Variants in JPH1 observed in about 807,000 individuals in gnomAD.
JPH1 encodes the protein junctophilin-1.
In JPH1, 12 loss-of-function variants were observed where a neutral mutation model predicts 53.6. The ratio of observed to expected loss-of-function variants is 0.22; its 90% CI spans 0.14 to 0.36. JPH1 has a LOEUF of 0.36. JPH1 is among the 10% of genes least tolerant of loss of function. The probability of loss-of-function intolerance (pLI) is 1.00; values close to 1 mark genes in which losing one functional copy is unlikely to be tolerated. For missense variants in JPH1, 808 were observed against 905.5 expected (o/e 0.89, Z 1.38); for synonymous variants, 375 against 363.8 (o/e 1.03, Z -0.35).
intron 2 of JPH1, among the ~76,000 whole-genome samples, chr8:74,283,090 G>C (rs530402117): frequency 3.0e-4 from 46 of 152,204 alleles, no homozygotes; most frequent in African/African-American, 1.1e-3. Context: ...GGGTTATTAG[G>C]GGAGCAGCGA....
chr8:74,278,979 G>T (rs554276884), intron 2 of JPH1, among the ~76,000 whole-genome samples: 2 of 131,574 alleles, frequency 1.5e-5, no homozygotes, highest in African/African-American at 6.2e-5. Context: ...AAACACACAC[G>T]CACACGCGCG....
intron 2 of JPH1, among the ~76,000 whole-genome samples, chr8:74,278,838 G>A (rs1806924380): frequency 6.6e-6 from 1 of 152,184 alleles, no homozygotes; most frequent in Admixed American, 6.5e-5. Flanking sequence ...TAAGCTGTGT[G>A]ACTCTGGCAG....
At chr8:74,255,827 C>G (rs538478689) in intron 3 of JPH1, among the ~76,000 whole-genome samples, 5,740 of 152,210 alleles carry the variant, frequency 0.038, 339 homozygotes, top group African/African-American at 0.12. Context: ...AAATGCAAAT[C>G]AAAACCACAA....
chr8:74,263,131 T>A (rs190968300), intron 2 of JPH1, among the ~76,000 whole-genome samples: 2 of 152,250 alleles, frequency 1.3e-5, no homozygotes, highest in East Asian at 3.9e-4. Flanking sequence ...TACACGTGGG[T>A]CCCTGAGACA....
chr8:74,286,943 A>T (rs1000674034), intron 2 of JPH1, among the ~76,000 whole-genome samples: 1 of 152,238 alleles, frequency 6.6e-6, no homozygotes, highest in Non-Finnish European at 1.5e-5. Flanking sequence ...AAATGGAAAA[A>T]ATAATCAAGG....
At position 74,251,819 on chromosome 8, in the gene JPH1, T is replaced by C. The variant is rs142283150; in HGVS notation, c.1259-6644A>G. The stretch of plus-strand genomic sequence containing the variant: ...CTTTCTTCACAGAATTGGAAAAAAC[T>C]ACTTTCAAGTTCATATGGAACCAAA... On this transcript the variant is annotated intron_variant, in intron 3 of 5. Transcript: ENST00000342232. 8.9e-3 allele frequency among the ~76,000 whole-genome samples: 1,352 copies of C among 152,214 alleles called. 20 individuals carry two copies. Among genetic ancestry groups the C allele is most frequent in the South Asian group, 0.023 (113 of 4,826 alleles).
In JPH1 at chr8:74,304,181, T is replaced by TAA. The variant is rs1807766809; in HGVS notation, c.1139+10679_1139+10680insTT. On this transcript the variant is annotated intron_variant, in intron 2 of 5. Transcript: ENST00000342232. Reference sequence around the variant, plus strand: ...CCAATGGGTAATAACTGCTTTTTCATCTGTCCTAACCAGACTCCATGATGA... The same window carrying TAA: ...CCAATGGGTAATAACTGCTTTTTCATAACTGTCCTAACCAGACTCCATGATGA... 2.0e-5 allele frequency among the ~76,000 whole-genome samples: 3 copies of TAA among 152,346 alleles called. No individual in the cohort carries two copies. In the South Asian group the frequency reaches 6.2e-4, roughly 32 times the overall value.
chr8:74,294,195 C>T (rs1807429909), intron 2 of JPH1, among the ~76,000 whole-genome samples: 1 of 152,222 alleles, frequency 6.6e-6, no homozygotes, highest in Non-Finnish European at 1.5e-5. Flanking sequence ...GGGGACTTCT[C>T]TGTAGCCTGA....
chr8:74,287,203 G>A (rs1283214060), intron 2 of JPH1, among the ~76,000 whole-genome samples: 2 of 152,102 alleles, frequency 1.3e-5, no homozygotes, highest in African/African-American at 4.8e-5. Flanking sequence ...AGGCTGAGGC[G>A]GGTGGATCAC....
At chr8:74,308,053 AATG>A (rs1807889168) in intron 2 of JPH1, among the ~76,000 whole-genome samples, 1 of 152,232 alleles carries the variant, frequency 6.6e-6, no homozygotes, top group African/African-American at 2.4e-5. Context: ...TGTTAAATTA[AATG>A]ATATTCTTTG....
chr8:74,246,678 C>T (rs1805871831), intron 3 of JPH1, among the ~76,000 whole-genome samples: 1 of 152,036 alleles, frequency 6.6e-6, no homozygotes, highest in Non-Finnish European at 1.5e-5. Context: ...AAGCCAGAGA[C>T]AAGAATTCCT....
chr8:74,254,697 C>T (rs1360719660), intron 3 of JPH1, among the ~76,000 whole-genome samples: 1 of 152,118 alleles, frequency 6.6e-6, no homozygotes, highest in Non-Finnish European at 1.5e-5. Context: ...TCAGCAAAGT[C>T]TCAGGATACA....
chr8:74,259,444 T>A lies in JPH1; in HGVS notation c.1199A>T (p.Gln400Leu), dbSNP rs750582471. The A allele has an allele frequency of 6.2e-7, 1 of 1,613,682 alleles. No individual in the cohort carries two copies. Among genetic ancestry groups the A allele is most frequent in the Non-Finnish European group, 8.5e-7 (1 of 1,179,772 alleles). The change falls in exon 3 of 6, where the codon CAG (glutamine) becomes CTG (leucine). Residue 400 changes from glutamine (Q) to leucine (L), a missense_variant. Gln to Leu is a moderately radical substitution (Grantham distance 113). This residue lies in a region of JPH1 where 756 missense variants were observed against 811.9 expected (regional missense o/e 0.93). Coordinates refer to ENST00000342232, the MANE Select transcript of JPH1 (RefSeq NM_020647.4). ...AADQAALAAR[Q>L]ECDIARAVAR... The stretch of plus-strand genomic sequence containing the variant: ...CACAGCTCTCGCGATGTCGCACTCC[T>A]GGCGAGCGGCCAGCGCGGCCTGGTC...
Position 74,310,176 on chromosome 8 carries a change from C to T in JPH1, c.1139+4685G>A, listed in dbSNP as rs57553148. On this transcript the variant is annotated intron_variant, in intron 2 of 5. Coordinates refer to ENST00000342232, the MANE Select transcript of JPH1 (RefSeq NM_020647.4). ...CATCTAAGAGCAGAGCAGTTGGGAT[C>T]CAGAACTAGAGGTGGTATGTCAGCT... 9.1e-3 allele frequency among the ~76,000 whole-genome samples: 1,388 copies of T among 151,908 alleles called. 26 individuals carry two copies. The highest frequency in any genetic ancestry group is 0.031 in the African/African-American group (1,275 of 41,378).
rs1323696031 is a variant in JPH1, at chr8:74,315,688, C to G, written c.380-68G>C. ...CTGCACCGTCACCTGCACCATCCAGCGCACACTGGCGCAGGCCTGCCCAAG... is the reference window on the plus strand; with the variant it reads ...CTGCACCGTCACCTGCACCATCCAGGGCACACTGGCGCAGGCCTGCCCAAG... On this transcript the variant is annotated intron_variant, in intron 1 of 5. Coordinates refer to ENST00000342232, the MANE Select transcript of JPH1 (RefSeq NM_020647.4). The surrounding 1 kb of genome is among the most constrained non-coding windows in gnomAD (Gnocchi z 6.3). 1 of 1,440,438 alleles carries G rather than the reference C, an allele frequency of 6.9e-7. No homozygotes were observed. The highest frequency in any genetic ancestry group is 2.3e-5 in the Admixed American group (1 of 43,418). 89.2% of individuals were successfully genotyped at this position (1,440,438 alleles called of 1,614,324 possible).
At chr8:74,255,784 T>C (rs1227442191) in intron 3 of JPH1, among the ~76,000 whole-genome samples, 2 of 152,000 alleles carry the variant, frequency 1.3e-5, no homozygotes, top group Non-Finnish European at 2.9e-5. Flanking sequence ...AAAAAACACA[T>C]GAAAAAATGC....
At chr8:74,254,860 G>A (rs1806171202) in intron 3 of JPH1, among the ~76,000 whole-genome samples, 1 of 152,036 alleles carries the variant, frequency 6.6e-6, no homozygotes, top group South Asian at 2.1e-4. Flanking sequence ...CCTCTTCAAG[G>A]AGAACTACAA....
At chr8:74,313,186 G>A (rs993153021) in intron 2 of JPH1, among the ~76,000 whole-genome samples, 3 of 152,190 alleles carry the variant, frequency 2.0e-5, no homozygotes, top group Non-Finnish European at 2.9e-5. Context: ...AAGAAAACAT[G>A]GAAGAATCCA....
chr8:74,284,373 G>A (rs1355549989), intron 2 of JPH1, among the ~76,000 whole-genome samples: 1 of 152,184 alleles, frequency 6.6e-6, no homozygotes, highest in Non-Finnish European at 1.5e-5. Flanking sequence ...TGGAGAGAGT[G>A]GCTGGGTGGT....
Sources: gnomAD v4.1 joint callset for allele counts (sites outside exome capture counted in the v4.1 genomes callset) on GRCh38, gnomAD v4.1.1 for gene constraint, gnomAD v4.1.1 regional missense constraint, Gnocchi (gnomAD v3.1) non-coding constraint, MANE v1.5 for transcripts, NCBI Gene and HGNC (gene_info 2026-07-23, HGNC 2026-07-21) for gene names.